Variants in NRDC observed in about 807,000 individuals in gnomAD.
NRDC encodes the protein nardilysin.
Under a neutral mutation model 147.1 loss-of-function variants are expected in NRDC, and 54 were observed. That is an observed-to-expected ratio of 0.37 (90% CI 0.29 to 0.46). The LOEUF (loss-of-function observed/expected upper bound fraction) is 0.46. NRDC is among the 20% of genes least tolerant of loss of function. NRDC has a pLI of 1.00. For synonymous variants in NRDC, 440 were observed against 482.1 expected, an observed-to-expected ratio of 0.91 and a Z score of 1.14; for missense variants, 1,082 against 1,370.6, an observed-to-expected ratio of 0.79 and a Z score of 3.33.
Position 51,878,723 on chromosome 1 carries a change from G to A in NRDC, c.-108C>T, listed in dbSNP as rs569358592. 29 of 943,872 alleles carry A rather than the reference G, an allele frequency of 3.1e-5. No homozygotes were observed. In the East Asian group the frequency reaches 4.8e-4, roughly 15 times the overall value. 58.5% of individuals were successfully genotyped at this position (943,872 alleles called of 1,614,324 possible). A position where few individuals can be genotyped will look rare whatever the true frequency, so the allele number is the denominator to read the frequency against. ...GGTGCTGCCGCAGCCGCGGGGAACA[G>A]GCCTGAACCCCTCCCCCAACCCAGT... On this transcript the variant is annotated 5_prime_UTR_variant, in exon 1 of 31. Transcript: ENST00000352171.
rs78244319 is a variant in NRDC at position 51,838,429 on chromosome 1, C to T, written c.630+1797G>A. On this transcript the variant is annotated intron_variant, in intron 2 of 30. Coordinates refer to ENST00000352171, the MANE Select transcript of NRDC (RefSeq NM_001101662.2). The stretch of plus-strand genomic sequence containing the variant: ...ATGTCTTGACATTTAAAATGCCTGT[C>T]GAGACAATTTTTAACTGTTTTTAAA... Among the ~76,000 whole-genome samples the T allele has an allele frequency of 3.6e-3, 542 of 152,018 alleles. 4 individuals are homozygous for T. Among genetic ancestry groups the T allele is most frequent in the African/African-American group, 0.012 (484 of 41,436 alleles).
Position 51,850,952 on chromosome 1 carries a change from G to A in NRDC, c.342-10438C>T, listed in dbSNP as rs140189491. On this transcript the variant is annotated intron_variant, in intron 1 of 30. Transcript: ENST00000352171. Reference sequence around the variant, plus strand: ...TTATTGGACTGGGTGAGCCAACTCCGGTTTGGTTCTCTAAACACCGGCAAC... The same window carrying A: ...TTATTGGACTGGGTGAGCCAACTCCAGTTTGGTTCTCTAAACACCGGCAAC... 5.3e-3 allele frequency among the ~76,000 whole-genome samples: 809 copies of A among 152,230 alleles called. 1 individual carries two copies. Among genetic ancestry groups the A allele is most frequent in the Middle Eastern group, 0.024 (7 of 294 alleles).
intron 1 of NRDC, among the ~76,000 whole-genome samples, chr1:51,850,108 C>T (rs1412667893): frequency 1.3e-5 from 2 of 151,542 alleles, no homozygotes; most frequent in Non-Finnish European, 2.9e-5. Flanking sequence ...ACCCAGGAGG[C>T]GGAGGTTGCA....
chr1:51,801,765 G>A (rs12739107), intron 20 of NRDC, among the ~76,000 whole-genome samples: 10,608 of 151,932 alleles, frequency 0.07, 496 homozygotes, highest in African/African-American at 0.13. Flanking sequence ...TGTAATGTCC[G>A]CTGATAGTTC....
chr1:51,834,235 ACTTT>A (rs1200631288), intron 3 of NRDC, 65 bp from the exon 4 acceptor site: 2 of 1,518,526 alleles, frequency 1.3e-6, no homozygotes, highest in Non-Finnish European at 1.8e-6. Context: ...TCACACATGA[ACTTT>A]CTTATATGCA....
In NRDC at chr1:51,798,327, C is replaced by T. The variant is rs762203307; in HGVS notation, c.2526G>A (p.Glu842=). ...ATTCTTTGACGAAGCTCAGCAGAGA[C>T]TCAAGGGAAAGGCCGTCCATCAAAG... ...YQALMDGLSL[E]SLLSFVKEFK... The change falls in exon 22 of 31, where the codon GAG becomes GAA. Residue 842 remains glutamate, a synonymous_variant. Coordinates refer to ENST00000352171, the MANE Select transcript of NRDC (RefSeq NM_001101662.2). 1.7e-5 allele frequency: 28 copies of T among 1,613,982 alleles called. No homozygotes were observed. In the East Asian group the frequency reaches 5.3e-4, roughly 31 times the overall value.
intron 1 of NRDC, among the ~76,000 whole-genome samples, chr1:51,848,265 G>A (rs575250817): frequency 1.7e-4 from 26 of 152,248 alleles, no homozygotes; most frequent in African/African-American, 5.3e-4. Flanking sequence ...CACAAGGTCA[G>A]AATATCAAGA....
At chr1:51,861,108 C>A (rs1349101477) in intron 1 of NRDC, among the ~76,000 whole-genome samples, 1 of 151,758 alleles carries the variant, frequency 6.6e-6, no homozygotes, top group Non-Finnish European at 1.5e-5. Context: ...CATCACCATG[C>A]CCAGTTAATT....
At position 51,825,290 on chromosome 1, in the gene NRDC, A is replaced by C; in HGVS notation, c.1033T>G (p.Trp345Gly). ...RPGHPMGKFF[W>G]GNAETLKHEP... ...GATGATGTATTTAGTATCTTACCCC[A>C]AAAAAATTTTCCCATAGGATGTCCA... The change falls in exon 6 of 31, where the codon TGG (tryptophan) becomes GGG (glycine). Residue 345 changes from tryptophan to glycine, a missense_variant. Physicochemically the swap from Trp to Gly is radical, Grantham distance 184. Transcript: ENST00000352171. The C allele has an allele frequency of 6.3e-7, 1 of 1,584,318 alleles. No individual in the cohort carries two copies. The highest frequency in any genetic ancestry group is 8.6e-7 in the Non-Finnish European group (1 of 1,163,122).
At chr1:51,847,764 G>A (rs530937740) in intron 1 of NRDC, among the ~76,000 whole-genome samples, 6 of 152,180 alleles carry the variant, frequency 3.9e-5, no homozygotes, top group African/African-American at 1.2e-4. Context: ...ACACCTCCCC[G>A]CAGGCTGAGG....
At chr1:51,859,216 A>G (rs1466700449) in intron 1 of NRDC, among the ~76,000 whole-genome samples, 4 of 152,256 alleles carry the variant, frequency 2.6e-5, no homozygotes, top group Non-Finnish European at 5.9e-5. Flanking sequence ...GCAAATGACA[A>G]TCCTTTATGT....
chr1:51,871,215 G>C (rs1053568243), intron 1 of NRDC, among the ~76,000 whole-genome samples: 1 of 152,086 alleles, frequency 6.6e-6, no homozygotes, highest in Non-Finnish European at 1.5e-5. Context: ...TGCTTTGGAG[G>C]CTGAGGCACG....
intron 7 of NRDC, among the ~76,000 whole-genome samples, chr1:51,823,440 C>G (rs931147096): frequency 3.3e-5 from 5 of 152,116 alleles, no homozygotes; most frequent in Non-Finnish European, 7.4e-5. Context: ...ACAGATAAGA[C>G]CTATTTCTGT....
chr1:51,855,124 C>A (rs1268151930), intron 1 of NRDC, among the ~76,000 whole-genome samples: 1 of 152,178 alleles, frequency 6.6e-6, no homozygotes, highest in Non-Finnish European at 1.5e-5. Flanking sequence ...ATATCCCAAC[C>A]TTTTAGGCCA....
chr1:51,844,586 C>CA (rs893904301), intron 1 of NRDC, among the ~76,000 whole-genome samples: 3 of 151,512 alleles, frequency 2.0e-5, no homozygotes, highest in East Asian at 2.0e-4. Flanking sequence ...ACTAAAAATA[C>CA]AAAAAAATTA....
chr1:51,836,756 T>TA (rs1032499499), intron 2 of NRDC, among the ~76,000 whole-genome samples: 7 of 152,168 alleles, frequency 4.6e-5, no homozygotes, highest in Admixed American at 2.6e-4. Context: ...TAAAAAAAGA[T>TA]AAAATCGGTA....
chr1:51,852,702 A>G (rs963948035), intron 1 of NRDC, among the ~76,000 whole-genome samples: 3 of 151,884 alleles, frequency 2.0e-5, no homozygotes, highest in Admixed American at 6.6e-5. Flanking sequence ...TGGAGTCTTA[A>G]TTACTTCAGG....
intron 1 of NRDC, among the ~76,000 whole-genome samples, chr1:51,841,245 A>G (rs1681251919): frequency 6.6e-6 from 1 of 152,130 alleles, no homozygotes; most frequent in Admixed American, 6.5e-5. Context: ...CTTATCTGCA[A>G]AACTACTGTG....
chr1:51,814,853 G>A (rs1253975036), intron 11 of NRDC, 40 bp from the exon 12 acceptor site: 2 of 1,538,256 alleles, frequency 1.3e-6, no homozygotes, highest in Admixed American at 4.3e-5. Flanking sequence ...AATGTTCCTG[G>A]ATTGACAGTC....
Sources: gnomAD v4.1 joint callset for allele counts (sites outside exome capture counted in the v4.1 genomes callset) on GRCh38, gnomAD v4.1.1 for gene constraint, MANE v1.5 for transcripts, NCBI Gene and HGNC (gene_info 2026-07-23, HGNC 2026-07-21) for gene names.